Variants in FBXL17 observed in about 807,000 individuals in gnomAD.
The protein encoded by FBXL17 is F-box/LRR-repeat protein 17.
In FBXL17, 22 loss-of-function variants were observed where a neutral mutation model predicts 66.2. The observed-to-expected ratio is 0.33, with a 90% CI of 0.24 to 0.47. FBXL17 has a LOEUF of 0.47. FBXL17 is among the 20% of genes least tolerant of loss of function. FBXL17 has a pLI of 1.00. For missense variants in FBXL17, 878 were observed against 948.2 expected, an observed-to-expected ratio of 0.93 and a Z score of 0.97; for synonymous variants, 474 against 400.5, an observed-to-expected ratio of 1.18 and a Z score of -2.19.
intron 4 of FBXL17, among the ~76,000 whole-genome samples, chr5:108,239,613 T>A (rs1013483351): frequency 6.6e-6 from 1 of 152,146 alleles, no homozygotes; most frequent in African/African-American, 2.4e-5. Flanking sequence ...CTAAATAAAC[T>A]TGAAAGGCAG....
At chr5:108,315,337 G>T (rs1276232755) in intron 4 of FBXL17, among the ~76,000 whole-genome samples, 1 of 151,172 alleles carries the variant, frequency 6.6e-6, no homozygotes, top group African/African-American at 2.4e-5. Flanking sequence ...ACATCATCAA[G>T]ATTCTTCCAT....
At chr5:108,108,494 G>A (rs1291244446) in intron 6 of FBXL17, among the ~76,000 whole-genome samples, 1 of 152,190 alleles carries the variant, frequency 6.6e-6, no homozygotes, top group Non-Finnish European at 1.5e-5. Context: ...ACGTTTAAAG[G>A]TTTGATAGAT....
intron 6 of FBXL17, among the ~76,000 whole-genome samples, chr5:108,132,661 C>T (rs904751258): frequency 6.6e-6 from 1 of 152,108 alleles, no homozygotes; most frequent in African/African-American, 2.4e-5. Flanking sequence ...TTTCAGTGGG[C>T]TTTCAGTAAA....
intron 6 of FBXL17, among the ~76,000 whole-genome samples, chr5:108,119,602 G>A (rs935006580): frequency 1.2e-4 from 18 of 152,186 alleles, no homozygotes; most frequent in African/African-American, 4.3e-4. Context: ...TGAAATTGCA[G>A]CATTCATATT....
At chr5:108,044,189 A>G (rs925105766) in intron 6 of FBXL17, among the ~76,000 whole-genome samples, 1 of 152,128 alleles carries the variant, frequency 6.6e-6, no homozygotes, top group Non-Finnish European at 1.5e-5. Flanking sequence ...TATCTGGCCA[A>G]CTGCACTGGC....
In FBXL17 at chr5:108,274,231, A is replaced by G. The variant is rs942660938; in HGVS notation, c.1507-50003T>C. Reference sequence around the variant, plus strand: ...CTAATAAGCCTGGGCGTGCTACGGGAGACTGGAGTCTATCTCACCTCTGCA... The same window carrying G: ...CTAATAAGCCTGGGCGTGCTACGGGGGACTGGAGTCTATCTCACCTCTGCA... On this transcript the variant is annotated intron_variant, in intron 4 of 8. Coordinates refer to ENST00000542267, the MANE Select transcript of FBXL17 (RefSeq NM_001163315.3). Among the ~76,000 whole-genome samples, 17 of 152,242 alleles carry G rather than the reference A, an allele frequency of 1.1e-4. 1 individual carries two copies. The highest frequency in any genetic ancestry group is 8.5e-4 in the Admixed American group (13 of 15,286).
chr5:108,065,569 C>A (rs2112852476), intron 6 of FBXL17, among the ~76,000 whole-genome samples: 1 of 152,268 alleles, frequency 6.6e-6, no homozygotes, highest in Non-Finnish European at 1.5e-5. Context: ...TTAATAAATT[C>A]TGCTTCTAGT....
intron 1 of FBXL17, among the ~76,000 whole-genome samples, chr5:108,379,436 T>G (rs1043792713): frequency 6.6e-6 from 1 of 152,194 alleles, no homozygotes; most frequent in Admixed American, 6.5e-5. Context: ...AATTAGATCA[T>G]TACATTTTGA....
chr5:107,932,488 G>A (rs1418877876), intron 7 of FBXL17, among the ~76,000 whole-genome samples: 1 of 152,118 alleles, frequency 6.6e-6, no homozygotes, highest in East Asian at 1.9e-4. Flanking sequence ...ATCTATTTGG[G>A]CAATTTGATT....
chr5:108,331,606 C>T (rs971758904), intron 4 of FBXL17, among the ~76,000 whole-genome samples: 1 of 152,118 alleles, frequency 6.6e-6, no homozygotes, highest in Non-Finnish European at 1.5e-5. Context: ...ATCATTTTAT[C>T]CTTATGAAAA....
chr5:108,110,757 AG>A (rs1350949097), intron 6 of FBXL17, among the ~76,000 whole-genome samples: 1 of 151,762 alleles, frequency 6.6e-6, no homozygotes, highest in African/African-American at 2.4e-5. Context: ...CAAAAAAAAA[AG>A]GGGCGAATTT....
chr5:108,334,867 C>T (rs1447798275), intron 4 of FBXL17, among the ~76,000 whole-genome samples: 1 of 152,146 alleles, frequency 6.6e-6, no homozygotes. Context: ...AATGAAACCA[C>T]CGAAGTCTTA....
Position 107,935,722 on chromosome 5 carries a change from C to T in FBXL17, c.1823-54543G>A, listed in dbSNP as rs570455889. 1.3e-4 allele frequency among the ~76,000 whole-genome samples: 20 copies of T among 152,176 alleles called. 1 individual carries two copies. The South Asian group carries it at 4.1e-3, about 32-fold the overall frequency. On this transcript the variant is annotated intron_variant, in intron 7 of 8. Coordinates refer to ENST00000542267, the MANE Select transcript of FBXL17 (RefSeq NM_001163315.3). ...GCCATTTTCCAATTACTAAGCCAAA[C>T]AGAAGTGTTAGGTAACAAGTCTGAA...
At chr5:108,265,556 T>G (rs1049052640) in intron 4 of FBXL17, among the ~76,000 whole-genome samples, 3 of 152,172 alleles carry the variant, frequency 2.0e-5, no homozygotes, top group Admixed American at 1.3e-4. Flanking sequence ...AATCTCTATA[T>G]CATTCATTAA....
intron 8 of FBXL17, 148 bp downstream of exon 8, chr5:107,880,889 G>A (rs1164027364): frequency 1.4e-6 from 2 of 1,428,740 alleles, no homozygotes. Context: ...GGCAAACAAT[G>A]CATAGCTATA....
intron 6 of FBXL17, among the ~76,000 whole-genome samples, chr5:108,172,689 T>C (rs1317194097): frequency 6.6e-6 from 1 of 152,196 alleles, no homozygotes; most frequent in Non-Finnish European, 1.5e-5. Flanking sequence ...TTAAGTTGCT[T>C]GGTTGGGTGA....
chr5:108,048,620 GA>G (rs1747350789), intron 6 of FBXL17, among the ~76,000 whole-genome samples: 1 of 152,162 alleles, frequency 6.6e-6, no homozygotes, highest in African/African-American at 2.4e-5. Context: ...TAAATGACCT[GA>G]TGGAGCTGAA....
At chr5:107,889,684 G>A (rs1013151620) in intron 7 of FBXL17, among the ~76,000 whole-genome samples, 4 of 152,184 alleles carry the variant, frequency 2.6e-5, no homozygotes, top group Non-Finnish European at 5.9e-5. Flanking sequence ...GGTTGCATCT[G>A]CTTTCCTTCC....
In FBXL17 at chr5:108,126,631, GTC is replaced by G. The variant is rs140769664; in HGVS notation, c.1745+59484_1745+59485del. 5.2e-4 allele frequency among the ~76,000 whole-genome samples: 59 copies of G among 112,556 alleles called. 1 individual carries two copies. Among genetic ancestry groups the G allele is most frequent in the African/African-American group, 1.6e-3 (53 of 32,886 alleles). The allele number at this position is 112,556 out of a possible 152,430, so 73.8% of individuals were successfully genotyped here. ...TATAAGATTATCTCTCTGTCTCTCTGTCTCTCTCTCTCTCTCTCTCTATATAT... is the reference window on the plus strand; with the variant it reads ...TATAAGATTATCTCTCTGTCTCTCTGTCTCTCTCTCTCTCTCTCTATATAT... On this transcript the variant is annotated intron_variant, in intron 6 of 8. Coordinates refer to ENST00000542267, the MANE Select transcript of FBXL17 (RefSeq NM_001163315.3).
Sources: gnomAD v4.1 joint callset for allele counts (sites outside exome capture counted in the v4.1 genomes callset) on GRCh38, gnomAD v4.1.1 for gene constraint, MANE v1.5 for transcripts, NCBI Gene and HGNC (gene_info 2026-07-23, HGNC 2026-07-21) for gene names.